MCM5: variants seen among roughly 807,000 people sequenced by gnomAD.
MCM5 encodes DNA replication licensing factor MCM5.
A neutral mutation model predicts 79.9 loss-of-function variants in MCM5; 46 were observed. That is an observed-to-expected ratio of 0.58 (90% CI 0.45 to 0.74). The LOEUF (loss-of-function observed/expected upper bound fraction) is 0.74. MCM5 is among the 30% of genes least tolerant of loss of function. The pLI, the probability that MCM5 is intolerant of heterozygous loss-of-function variation, is 0.00. For synonymous variants in MCM5, 404 were observed against 390.5 expected (o/e 1.03, Z -0.41); for missense variants, 883 against 1,017.0 (o/e 0.87, Z 1.79).
Position 35,406,586 on chromosome 22 carries a change from GGCAT to G in MCM5, c.458_461del (p.Gly153AlafsTer74). 6.2e-7 allele frequency: 1 copy of G among 1,613,914 alleles called. No homozygotes were observed. Among genetic ancestry groups the G allele is most frequent in the Non-Finnish European group, 8.5e-7 (1 of 1,179,996 alleles). ...GATGTCACACCTGGTGAAGATCCCT[GGCAT>G]CATCATCGCGGCCTCTGCGGTCCGT... is the stretch of plus-strand genomic sequence containing the variant. On this transcript the variant is annotated frameshift_variant, in exon 5 of 17. Transcript: ENST00000216122. LOFTEE classifies it high-confidence loss of function.
At chr22:35,447,385 G>A in the MCM5 span, among the ~76,000 whole-genome samples, 120,252 of 151,852 alleles carry the variant, frequency 0.79, 48,217 homozygotes, top group African/African-American at 0.88. Context: ...GATTGTATCT[G>A]TAAGGAGTCC....
chr22:35,416,302 C>A, intron 10 of MCM5, 37 bp from the exon 11 acceptor site: 1 of 1,593,726 alleles, frequency 6.3e-7, no homozygotes. Context: ...TCCCTCACTT[C>A]AGTAGGTCTG....
At chr22:35,448,676 A>G in the MCM5 span, among the ~76,000 whole-genome samples, 8 of 152,306 alleles carry the variant, frequency 5.3e-5, no homozygotes, top group South Asian at 1.0e-3. Flanking sequence ...GGAGGTGTTA[A>G]GTGCTGGGCA....
chr22:35,411,810 T>TTAA (rs970049156), intron 7 of MCM5, among the ~76,000 whole-genome samples: 22 of 152,276 alleles, frequency 1.4e-4, no homozygotes, highest in African/African-American at 4.8e-4. Flanking sequence ...GTTCCAGACT[T>TTAA]TAATAACCAA....
the MCM5 span, among the ~76,000 whole-genome samples, chr22:35,437,046 A>T: frequency 3.3e-5 from 5 of 152,198 alleles, no homozygotes; most frequent in African/African-American, 9.6e-5. Flanking sequence ...CTCTGAACAC[A>T]GCCACAAACT....
the MCM5 span, among the ~76,000 whole-genome samples, chr22:35,448,508 C>T: frequency 6.6e-6 from 1 of 152,220 alleles, no homozygotes; most frequent in East Asian, 1.9e-4. Flanking sequence ...GTCATTCACT[C>T]ACTCAGCACA....
At chr22:35,414,262 A>G (rs916233850) in intron 9 of MCM5, among the ~76,000 whole-genome samples, 17 of 152,152 alleles carry the variant, frequency 1.1e-4, no homozygotes, top group African/African-American at 4.1e-4. Context: ...GCTTTGAGTA[A>G]GTCACCCAAT....
At chr22:35,444,893 G>A in the MCM5 span, among the ~76,000 whole-genome samples, 2 of 152,272 alleles carry the variant, frequency 1.3e-5, no homozygotes, top group Non-Finnish European at 2.9e-5. Context: ...AGTTGCCCAC[G>A]CATGCTCCCC....
At chr22:35,438,464 C>CATCCATCCACAT in the MCM5 span, among the ~76,000 whole-genome samples, 1 of 144,734 alleles carries the variant, frequency 6.9e-6, no homozygotes, top group East Asian at 2.0e-4. Context: ...CATATTCATC[C>CATCCATCCACAT]ATCCATCCAC....
intron 16 of MCM5, 36 bp downstream of exon 16, chr22:35,423,377 C>A: frequency 6.4e-7 from 1 of 1,561,218 alleles, no homozygotes. Flanking sequence ...TGAGCCGGCA[C>A]GGGGTGCAGG....
the MCM5 span, among the ~76,000 whole-genome samples, chr22:35,449,577 T>TCTGTCCCAGCCGTGGCCC: frequency 1.8e-4 from 13 of 71,476 alleles, no homozygotes; most frequent in Non-Finnish European, 4.4e-4. Flanking sequence ...AGCTGTGGCC[T>TCTGTCCCAGCCGTGGCCC]CTCTGTCCCA....
rs562553932 is a variant in MCM5 at position 35,421,241 on chromosome 22, C to G, written c.1833-77C>G. On this transcript the variant is annotated intron_variant, in intron 14 of 16. Transcript: ENST00000216122. ...CAGTCTTACCACTTTGGGCAAGCAC[C>G]TCCCTGGTAACGGGCTGGCTGGGGA... is the stretch of plus-strand genomic sequence containing the variant. 2.1e-5 allele frequency: 31 copies of G among 1,502,230 alleles called. No individual in the cohort carries two copies. In the African/African-American group the frequency reaches 3.7e-4, roughly 18 times the overall value. The allele number at this position is 1,502,230 out of a possible 1,614,324, so 93.1% of individuals were successfully genotyped here. A position where few individuals can be genotyped will look rare whatever the true frequency, so the allele number is the denominator to read the frequency against.
intron 13 of MCM5, 53 bp downstream of exon 13, chr22:35,417,909 G>A (rs759692642): frequency 2.0e-5 from 25 of 1,273,192 alleles, no homozygotes; most frequent in Non-Finnish European, 2.9e-5. Flanking sequence ...TTCCCTGGGT[G>A]GGAGAGAACC....
chr22:35,445,569 G>A, the MCM5 span, among the ~76,000 whole-genome samples: 2 of 151,266 alleles, frequency 1.3e-5, no homozygotes, highest in Non-Finnish European at 2.9e-5. Context: ...GAGTGCAGTG[G>A]CGCGATCTCA....
chr22:35,413,557 G>C (rs1932450192), intron 8 of MCM5, among the ~76,000 whole-genome samples: 1 of 152,196 alleles, frequency 6.6e-6, no homozygotes, highest in Non-Finnish European at 1.5e-5. Flanking sequence ...GCAGCTCTCT[G>C]TCCTTTTCTT....
At chr22:35,408,600 G>T in intron 6 of MCM5, 37 bp downstream of exon 6, 1 of 1,586,258 alleles carries the variant, frequency 6.3e-7, no homozygotes, top group South Asian at 1.1e-5. Flanking sequence ...CATCTACGAC[G>T]GTGGATGTCC....
chr22:35,445,766 C>T, the MCM5 span, among the ~76,000 whole-genome samples: 3 of 152,128 alleles, frequency 2.0e-5, no homozygotes, highest in African/African-American at 7.2e-5. Context: ...CCTCCTTGGC[C>T]TCCAAAAGTG....
At chr22:35,439,394 CCCA>C in the MCM5 span, among the ~76,000 whole-genome samples, 1 of 13,156 alleles carries the variant, frequency 7.6e-5, no homozygotes, top group African/African-American at 4.2e-4. Context: ...CATACATCCA[CCCA>C]CCCACCCACC....
chr22:35,435,191 G>GA, the MCM5 span, among the ~76,000 whole-genome samples: 231 of 152,304 alleles, frequency 1.5e-3, 3 homozygotes, highest in Non-Finnish European at 1.6e-3. Flanking sequence ...GGGAGGCAGG[G>GA]AGAGAGATGG....
Sources: gnomAD v4.1 joint callset for allele counts (sites outside exome capture counted in the v4.1 genomes callset) on GRCh38, gnomAD v4.1.1 for gene constraint, MANE v1.5 for transcripts, NCBI Gene and HGNC (gene_info 2026-07-23, HGNC 2026-07-21) for gene names.